The following WWOX variants were observed in gnomAD, a reference collection of about 807,000 sequenced individuals.
WWOX encodes the protein WW domain-containing oxidoreductase.
Under a neutral mutation model 46.2 loss-of-function variants are expected in WWOX, and 69 were observed. The ratio of observed to expected loss-of-function variants is 1.49; its 90% CI spans 1.23 to 1.82. WWOX has a LOEUF of 1.82. Among genes scored for constraint, WWOX ranks in the 40% most tolerant of loss-of-function variants. The probability of loss-of-function intolerance (pLI) is 0.00; values close to 1 mark genes in which losing one functional copy is unlikely to be tolerated. For missense variants in WWOX, 919 were observed against 542.6 expected, an observed-to-expected ratio of 1.69 and a Z score of -6.89; for synonymous variants, 359 against 202.6, an observed-to-expected ratio of 1.77 and a Z score of -6.56.
At chr16:78,967,596 T>G (rs2046387339) in intron 8 of WWOX, among the ~76,000 whole-genome samples, 1 of 151,530 alleles carries the variant, frequency 6.6e-6, no homozygotes, top group Non-Finnish European at 1.5e-5. Flanking sequence ...TGAGCCACTA[T>G]GCCCAATACC....
At chr16:79,122,647 C>T (rs2049662845) in intron 8 of WWOX, among the ~76,000 whole-genome samples, 1 of 151,766 alleles carries the variant, frequency 6.6e-6, no homozygotes, top group Non-Finnish European at 1.5e-5. Context: ...CCTTTGTTTT[C>T]ACGCTAATTC....
chr16:78,877,630 A>G (rs79457277), intron 8 of WWOX, among the ~76,000 whole-genome samples: 3,137 of 152,330 alleles, frequency 0.021, 98 homozygotes, highest in Admixed American at 0.09. Context: ...AGATAGAGAC[A>G]TAGACATACA....
intron 8 of WWOX, among the ~76,000 whole-genome samples, chr16:78,666,762 C>A (rs79724795): frequency 6.6e-6 from 1 of 152,160 alleles, no homozygotes; most frequent in Non-Finnish European, 1.5e-5. Context: ...TGGTTGTGTT[C>A]TTTCCTGGAG....
intron 8 of WWOX, among the ~76,000 whole-genome samples, chr16:78,955,530 G>A (rs905670024): frequency 1.3e-5 from 2 of 152,068 alleles, no homozygotes; most frequent in Non-Finnish European, 2.9e-5. Flanking sequence ...CCAGGCTGCA[G>A]GGATAATAAC....
At chr16:78,906,183 G>C (rs2044959047) in intron 8 of WWOX, among the ~76,000 whole-genome samples, 1 of 152,148 alleles carries the variant, frequency 6.6e-6, no homozygotes, top group Non-Finnish European at 1.5e-5. Context: ...GACATCTGGG[G>C]CAGCAGAGAG....
intron 8 of WWOX, among the ~76,000 whole-genome samples, chr16:78,498,468 T>G (rs542592416): frequency 6.6e-6 from 1 of 152,096 alleles, no homozygotes; most frequent in South Asian, 2.1e-4. Flanking sequence ...ACAAATCTTA[T>G]GATAAAACTC....
intron 8 of WWOX, among the ~76,000 whole-genome samples, chr16:78,540,595 C>T (rs542773552): frequency 5.3e-5 from 8 of 152,104 alleles, no homozygotes; most frequent in Non-Finnish European, 1.0e-4. Flanking sequence ...CTGAAATCTG[C>T]ATGGAGTGGT....
At chr16:78,321,622 T>A (rs1329334269) in intron 5 of WWOX, among the ~76,000 whole-genome samples, 2 of 152,008 alleles carry the variant, frequency 1.3e-5, no homozygotes, top group Non-Finnish European at 2.9e-5. Flanking sequence ...TGAATTTATG[T>A]ATTATCTTAT....
intron 5 of WWOX, among the ~76,000 whole-genome samples, chr16:78,275,669 A>G (rs1015823729): frequency 6.6e-6 from 1 of 152,186 alleles, no homozygotes; most frequent in African/African-American, 2.4e-5. Context: ...CATGGAATGG[A>G]TGGTGGAGAA....
intron 8 of WWOX, among the ~76,000 whole-genome samples, chr16:79,161,420 C>T (rs898449913): frequency 1.8e-4 from 28 of 151,884 alleles, no homozygotes; most frequent in African/African-American, 6.3e-4. Context: ...AATAAGCACC[C>T]GATGAATACT....
chr16:78,923,378 T>C (rs2045424198), intron 8 of WWOX, among the ~76,000 whole-genome samples: 1 of 152,182 alleles, frequency 6.6e-6, no homozygotes, highest in South Asian at 2.1e-4. Flanking sequence ...GTTCAGATCA[T>C]TCTAAAAATA....
intron 8 of WWOX, among the ~76,000 whole-genome samples, chr16:78,458,625 A>T (rs2151420977): frequency 6.6e-6 from 1 of 152,174 alleles, no homozygotes; most frequent in Non-Finnish European, 1.5e-5. Flanking sequence ...ATATGTGGTC[A>T]TTTAAAATTA....
chr16:78,414,099 G>A (rs1227077406), intron 6 of WWOX, among the ~76,000 whole-genome samples: 2 of 151,762 alleles, frequency 1.3e-5, no homozygotes, highest in Non-Finnish European at 2.9e-5. Flanking sequence ...CTGAGGCAGT[G>A]AGTCTCAGGA....
intron 8 of WWOX, among the ~76,000 whole-genome samples, chr16:78,444,771 C>A (rs1234796872): frequency 1.3e-5 from 2 of 152,020 alleles, no homozygotes; most frequent in South Asian, 4.1e-4. Context: ...ACCTCATGAT[C>A]CACCCGCCTC....
intron 6 of WWOX, among the ~76,000 whole-genome samples, chr16:78,411,249 G>A (rs960518367): frequency 3.3e-5 from 5 of 152,202 alleles, no homozygotes; most frequent in Admixed American, 6.5e-5. Context: ...AGGACAGTGC[G>A]TTTGAGATCC....
At chr16:78,373,541 A>G (rs1313375902) in intron 5 of WWOX, among the ~76,000 whole-genome samples, 2 of 152,146 alleles carry the variant, frequency 1.3e-5, no homozygotes, top group Admixed American at 1.3e-4. Context: ...CTGTCTAGTC[A>G]ACCTCTTTTT....
chr16:78,963,330 A>G (rs967179964), intron 8 of WWOX, among the ~76,000 whole-genome samples: 26 of 152,192 alleles, frequency 1.7e-4, no homozygotes, highest in African/African-American at 4.6e-4. Context: ...TTAGCTGCCC[A>G]TGGTGGTGTA....
In WWOX at chr16:78,340,472, G is replaced by A. The variant is rs1198335716; in HGVS notation, c.517-46388G>A. Among the ~76,000 whole-genome samples the A allele has an allele frequency of 1.7e-5, 2 of 120,688 alleles. 1 individual carries two copies. The highest frequency in any genetic ancestry group is 4.0e-5 in the Non-Finnish European group (2 of 50,470). 79.2% of individuals were successfully genotyped at this position (120,688 alleles called of 152,430 possible). On this transcript the variant is annotated intron_variant, in intron 5 of 8. Coordinates refer to ENST00000566780, the MANE Select transcript of WWOX (RefSeq NM_016373.4). ...GATCTGCCCATCTCAGCCTCCCAATGTGCTAGGATTACAGGCATGAACCAC... is the reference window on the plus strand; with the variant it reads ...GATCTGCCCATCTCAGCCTCCCAATATGCTAGGATTACAGGCATGAACCAC...
chr16:79,126,239 A>C lies in WWOX; in HGVS notation c.1057-85369A>C, dbSNP rs749723208. On this transcript the variant is annotated intron_variant, in intron 8 of 8. Transcript: ENST00000566780. ...GGGCTTTGGGGTGCTGGGAGGACAG[A>C]ATGCTGGAAACAGAGGTAAGAAGGG... Among the ~76,000 whole-genome samples the C allele has an allele frequency of 2.0e-5, 3 of 152,098 alleles. No individual in the cohort carries two copies. In the East Asian group the frequency reaches 5.8e-4, roughly 29 times the overall value.
Sources: gnomAD v4.1 joint callset for allele counts (sites outside exome capture counted in the v4.1 genomes callset) on GRCh38, gnomAD v4.1.1 for gene constraint, MANE v1.5 for transcripts, NCBI Gene and HGNC (gene_info 2026-07-23, HGNC 2026-07-21) for gene names.